COMP: variants seen among roughly 807,000 people sequenced by gnomAD.
The protein encoded by COMP is cartilage oligomeric matrix protein (pseudoachondroplasia, epiphyseal dysplasia 1, multiple).
A neutral mutation model predicts 95.8 loss-of-function variants in COMP; 79 were observed. The ratio of observed to expected loss-of-function variants is 0.82; its 90% confidence interval spans 0.69 to 0.99. COMP has a LOEUF of 0.99. COMP is among the 50% of genes least tolerant of loss of function. The pLI is 0.00. For synonymous variants in COMP, 438 were observed against 433.9 expected, an observed-to-expected ratio of 1.01 and a Z score of -0.12; for missense variants, 906 against 1,076.1, an observed-to-expected ratio of 0.84 and a Z score of 2.21.
intron 2 of COMP, 65 bp downstream of exon 2, chr19:18,790,785 C>T: frequency 6.3e-7 from 1 of 1,574,948 alleles, no homozygotes; most frequent in Admixed American, 1.9e-5. Context: ...TTCCTCTCTC[C>T]TCGCTGGGAA....
In COMP at chr19:18,784,802, G is replaced by A. The variant is rs1420389723; in HGVS notation, c.1914+94C>T. 1.4e-6 allele frequency: 2 copies of A among 1,410,728 alleles called. No individual in the cohort carries two copies. Among genetic ancestry groups the A allele is most frequent in the Non-Finnish European group, 2.0e-6 (2 of 1,009,548 alleles). 87.4% of individuals were successfully genotyped at this position (1,410,728 alleles called of 1,614,324 possible). ...TTTGAGGTCCATAGTATGAGGCTAGGGGGCTGGGGGGCTCTAAGGGCTGTA... is the reference window on the plus strand; with the variant it reads ...TTTGAGGTCCATAGTATGAGGCTAGAGGGCTGGGGGGCTCTAAGGGCTGTA... On this transcript the variant is annotated intron_variant, in intron 16 of 18. Coordinates refer to ENST00000222271, the MANE Select transcript of COMP (RefSeq NM_000095.3). The surrounding 1 kb of genome is among the most constrained non-coding windows in gnomAD (Gnocchi z 4.9).
Position 18,791,204 on chromosome 19 carries a change from G to T in COMP, c.66C>A (p.Gly22=). The part of the protein sequence containing the change: ...TLAALGASGQ[G]QSPLGSDLGP... ...AACGCGGCTTACCCAACGGGCTCTG[G>T]CCCTGTCCGGACGCGCCGAGGGCAG... The change falls in exon 1 of 19, where the codon GGC becomes GGA. Residue 22 remains glycine, a synonymous_variant. Transcript: ENST00000222271. 6.3e-7 allele frequency: 1 copy of T among 1,589,190 alleles called. No homozygotes were observed. Among genetic ancestry groups the T allele is most frequent in the East Asian group, 2.3e-5 (1 of 43,996 alleles).
intron 10 of COMP, chr19:18,787,158 GC>G: frequency 4.4e-6 from 2 of 457,206 alleles, no homozygotes; most frequent in Non-Finnish European, 8.1e-6. Context: ...TCAGCTGGGT[GC>G]CCGTGTGTGC....
rs780744328 is a variant in COMP at position 18,784,258 on chromosome 19, C to T, written c.2020G>A (p.Val674Met). ...VRLLWKDPRN[V>M]GWKDKKSYRW... is the part of the protein sequence containing the mutation. The stretch of plus-strand genomic sequence containing the variant: ...TAGGACTTCTTGTCCTTCCAACCCA[C>T]GTTTCGCGGGTCCTTCCACAGCAGC... The change falls in exon 17 of 19, where the codon GTG becomes ATG. Residue 674 changes from valine to methionine, a missense_variant. Val to Met is a conservative substitution (Grantham distance 21). Transcript: ENST00000222271. The surrounding 1 kb of genome is among the most constrained non-coding windows in gnomAD (Gnocchi z 4.9). 6.2e-6 allele frequency: 10 copies of T among 1,613,982 alleles called. No individual in the cohort carries two copies. Among genetic ancestry groups the T allele is most frequent in the East Asian group, 4.5e-5 (2 of 44,902 alleles).
At position 18,785,530 on chromosome 19, in the gene COMP, T is replaced by G. The variant is rs1482420677; in HGVS notation, c.1685A>C (p.Gln562Pro). The change falls in exon 15 of 19, where the codon CAG (glutamine) becomes CCG (proline). Residue 562 changes from glutamine to proline, a missense_variant. Coordinates refer to ENST00000222271, the MANE Select transcript of COMP (RefSeq NM_000095.3). ...VVLNQGREIV[Q>P]TMNSDPGLAV... is the part of the protein sequence containing the mutation. ...CAGGCCTGGGTCGCTGTTCATTGTC[T>G]GCACGATCTCCCTTCCCTGATGGGG... is the stretch of plus-strand genomic sequence containing the variant. 3 of 1,614,038 alleles carry G rather than the reference T, an allele frequency of 1.9e-6. No individual in the cohort carries two copies. Among genetic ancestry groups the G allele is most frequent in the Non-Finnish European group, 2.5e-6 (3 of 1,180,034 alleles).
chr19:18,786,740 A>C, intron 10 of COMP, 90 bp from the exon 11 acceptor site: 1 of 701,230 alleles, frequency 1.4e-6, no homozygotes, highest in Non-Finnish European at 2.5e-6. Flanking sequence ...CTGGCCTGGA[A>C]CAGAGTCCCA....
rs1205298433 is a variant in COMP at position 18,788,373 on chromosome 19, C to A, written c.867+37G>T. On this transcript the variant is annotated intron_variant, in intron 8 of 18. Coordinates refer to ENST00000222271, the MANE Select transcript of COMP (RefSeq NM_000095.3). The surrounding 1 kb of genome is among the most constrained non-coding windows in gnomAD (Gnocchi z 4.7). ...GCGCGGTCATGAAGTCCCGCCCTCCCTCCTGCCCAAGCCCGCCCCGCTCCG... is the reference window on the plus strand; with the variant it reads ...GCGCGGTCATGAAGTCCCGCCCTCCATCCTGCCCAAGCCCGCCCCGCTCCG... 1.2e-6 allele frequency: 2 copies of A among 1,603,168 alleles called. No homozygotes were observed. The highest frequency in any genetic ancestry group is 1.1e-5 in the South Asian group (1 of 90,714).
Position 18,788,425 on chromosome 19 carries a change from C to T in COMP, c.852G>A (p.Glu284=), listed in dbSNP as rs2055186018. 6.2e-7 allele frequency: 1 copy of T among 1,609,468 alleles called. No individual in the cohort carries two copies. Among genetic ancestry groups the T allele is most frequent in the Non-Finnish European group, 8.5e-7 (1 of 1,179,048 alleles). The part of the protein sequence containing the change: ...GFPDEKLRCP[E]RQCRKDNCVT... ...CCCCACCCACCTTACGGCACTGGCGCTCCGGGCAGCGCAGCTTCTCGTCCG... is the reference window on the plus strand; with the variant it reads ...CCCCACCCACCTTACGGCACTGGCGTTCCGGGCAGCGCAGCTTCTCGTCCG... Residue 284 remains glutamate (E), a synonymous_variant, in exon 8 of 19, where the codon GAG becomes GAA. Transcript: ENST00000222271. This position sits in a 1 kb window ranked among gnomAD's most constrained non-coding sequence, Gnocchi z 4.7.
chr19:18,788,364 C>T lies in COMP; in HGVS notation c.868-45G>A, dbSNP rs528859930. On this transcript the variant is annotated intron_variant, in intron 8 of 18. Transcript: ENST00000222271. This position sits in a 1 kb window ranked among gnomAD's most constrained non-coding sequence, Gnocchi z 4.7. Reference sequence around the variant, plus strand: ...GTGTGAGGGGCGCGGTCATGAAGTCCCGCCCTCCCTCCTGCCCAAGCCCGC... The same window carrying T: ...GTGTGAGGGGCGCGGTCATGAAGTCTCGCCCTCCCTCCTGCCCAAGCCCGC... 45 of 1,606,464 alleles carry T rather than the reference C, an allele frequency of 2.8e-5. No individual in the cohort carries two copies. The South Asian group carries it at 5.0e-4, about 18-fold the overall frequency.
At chr19:18,790,731 C>T in intron 2 of COMP, 118 bp from the exon 3 acceptor site, 1 of 1,608,620 alleles carries the variant, frequency 6.2e-7, no homozygotes, top group Non-Finnish European at 8.5e-7. Flanking sequence ...TCCCTACCCG[C>T]CGACCCCCTT....
At position 18,784,853 on chromosome 19, in the gene COMP, G is replaced by A. The variant is rs761548181; in HGVS notation, c.1914+43C>T. ...AAGGGTTTTACGGAGGGTCATGGGA[G>A]GGCATGAGGACCGCAGAGGTCAGGC... On this transcript the variant is annotated intron_variant, in intron 16 of 18. Coordinates refer to ENST00000222271, the MANE Select transcript of COMP (RefSeq NM_000095.3). This position sits in a 1 kb window ranked among gnomAD's most constrained non-coding sequence, Gnocchi z 4.9. The A allele has an allele frequency of 1.2e-6, 2 of 1,602,314 alleles. No homozygotes were observed. The highest frequency in any genetic ancestry group is 1.1e-5 in the South Asian group (1 of 90,792).
rs750266593 is a variant in COMP, at chr19:18,789,915, G to A, written c.390+27C>T. On this transcript the variant is annotated intron_variant, in intron 4 of 18. Coordinates refer to ENST00000222271, the MANE Select transcript of COMP (RefSeq NM_000095.3). The surrounding 1 kb of genome is among the most constrained non-coding windows in gnomAD (Gnocchi z 6.1). ...GGGGGGCGGTAGAGGGAGTCGTCAG[G>A]GCGGTGGAGTGTCGGGGCTAGCGCA... 7.6e-5 allele frequency: 121 copies of A among 1,594,716 alleles called. No individual in the cohort carries two copies. Among genetic ancestry groups the A allele is most frequent in the Non-Finnish European group, 9.8e-5 (116 of 1,178,590 alleles).
chr19:18,783,171 CAG>C lies in COMP; in HGVS notation c.2108_2109del (p.Pro703ArgfsTer40). The C allele has an allele frequency of 6.2e-7, 1 of 1,609,068 alleles. No individual in the cohort carries two copies. The highest frequency in any genetic ancestry group is 8.5e-7 in the Non-Finnish European group (1 of 1,180,010). On this transcript the variant is annotated frameshift_variant, in exon 18 of 19. Coordinates refer to ENST00000222271, the MANE Select transcript of COMP (RefSeq NM_000095.3). LOFTEE classifies it high-confidence loss of function. ...ACCACGTTGCTGTCGGCCACCAGCTCAGGGCCCTCATAGAATCGCACCCTGAG... is the reference window on the plus strand; with the variant it reads ...ACCACGTTGCTGTCGGCCACCAGCTCGGCCCTCATAGAATCGCACCCTGAG... ...GYIRVRFYEG[P>X]ELVADSNVVL...
chr19:18,785,135 C>A, intron 15 of COMP, 43 bp from the exon 16 acceptor site: 1 of 1,600,086 alleles, frequency 6.2e-7, no homozygotes, highest in Non-Finnish European at 8.5e-7. Flanking sequence ...AACGCCAGCC[C>A]CAGCCCCCGG....
chr19:18,782,819 T>TC lies in COMP; in HGVS notation c.*95dup, dbSNP rs1188988745. 13 of 1,377,278 alleles carry TC rather than the reference T, an allele frequency of 9.4e-6. No individual in the cohort carries two copies. Among genetic ancestry groups the TC allele is most frequent in the Non-Finnish European group, 1.3e-5 (13 of 980,320 alleles). The allele number at this position is 1,377,278 out of a possible 1,614,324, so 85.3% of individuals were successfully genotyped here. ...TTGTCCTCTCTGAGCCCTTCTCACT[T>TC]CCCCCTCAGGACGGCCACCCCTTGG... On this transcript the variant is annotated 3_prime_UTR_variant, in exon 19 of 19. Transcript: ENST00000222271.
At position 18,788,007 on chromosome 19, in the gene COMP, G is replaced by T. The variant is rs1348013781; in HGVS notation, c.975+205C>A. On this transcript the variant is annotated intron_variant, in intron 9 of 18. Transcript: ENST00000222271. The surrounding 1 kb of genome is among the most constrained non-coding windows in gnomAD (Gnocchi z 4.7). Reference sequence around the variant, plus strand: ...CAACCTCCGCCTCCCGGGTTCAAGCGATTCTCCTGCCTCAGCCTCCTGAGT... The same window carrying T: ...CAACCTCCGCCTCCCGGGTTCAAGCTATTCTCCTGCCTCAGCCTCCTGAGT... Among the ~76,000 whole-genome samples the T allele has an allele frequency of 6.6e-6, 1 of 151,422 alleles. No homozygotes were observed. Among genetic ancestry groups the T allele is most frequent in the African/African-American group, 2.4e-5 (1 of 41,102 alleles).
chr19:18,785,436 T>C, intron 15 of COMP, 62 bp downstream of exon 15: 1 of 1,470,504 alleles, frequency 6.8e-7, no homozygotes, highest in African/African-American at 1.5e-5. Context: ...GGCCTGCCCC[T>C]TCTCTGGCCC....
At position 18,790,007 on chromosome 19, in the gene COMP, C is replaced by T; in HGVS notation, c.325G>A (p.Ala109Thr). The change falls in exon 4 of 19, where the codon GCG becomes ACG. Residue 109 changes from alanine (A) to threonine (T), a missense_variant. By Grantham distance (58) the Ala-to-Thr change is moderately conservative. Transcript: ENST00000222271. ...CCCGCGGGGCAGGGGCCGCAGCGCG[C>T]GCCGCTCTCCGTCTGGATGCAGGCC... Reference protein sequence around the residue: ...GVACIQTESGARCGPCPAGFT... With the variant: ...GVACIQTESGTRCGPCPAGFT... The T allele has an allele frequency of 6.3e-7, 1 of 1,587,992 alleles. No individual in the cohort carries two copies.
intron 15 of COMP, 128 bp from the exon 16 acceptor site, chr19:18,785,220 G>C (rs1049688394): frequency 3.2e-5 from 32 of 1,003,962 alleles, no homozygotes; most frequent in Admixed American, 3.9e-5. Flanking sequence ...CCCACTCGCA[G>C]AGCCCGGACT....
Sources: allele counts gnomAD v4.1 joint callset (sites outside exome capture counted in the v4.1 genomes callset), GRCh38; gene constraint gnomAD v4.1.1; non-coding constraint Gnocchi (gnomAD v3.1); transcripts MANE v1.5; gene names NCBI Gene and HGNC (gene_info 2026-07-23, HGNC 2026-07-21).